UBE2R2: variants seen among roughly 807,000 people sequenced by gnomAD.
UBE2R2 encodes ubiquitin-conjugating enzyme E2 R2.
UBE2R2 carries 1 observed loss-of-function variant against 27.8 expected under a neutral mutation model. The observed-to-expected ratio is 0.04, with a 90% CI of 0.01 to 0.17. The LOEUF is 0.17. UBE2R2 is among the 10% of genes least tolerant of loss of function. The pLI is 1.00. For missense variants in UBE2R2, 100 were observed against 291.0 expected, an observed-to-expected ratio of 0.34 and a Z score of 4.78; for synonymous variants, 106 against 113.3, an observed-to-expected ratio of 0.94 and a Z score of 0.41.
At chr9:33,849,433 A>T (rs1297597335) in intron 1 of UBE2R2, among the ~76,000 whole-genome samples, 1 of 152,110 alleles carries the variant, frequency 6.6e-6, no homozygotes, top group Non-Finnish European at 1.5e-5. Context: ...ATATAAAGAG[A>T]TATGTAAGTA....
chr9:33,857,143 G>T (rs938108349), intron 1 of UBE2R2, among the ~76,000 whole-genome samples: 6 of 150,814 alleles, frequency 4.0e-5, no homozygotes, highest in Non-Finnish European at 8.9e-5. Context: ...TGATCCGCCC[G>T]TCTGAGCCTC....
intron 4 of UBE2R2, among the ~76,000 whole-genome samples, chr9:33,915,157 GCC>G (rs1298872686): frequency 6.6e-6 from 1 of 151,902 alleles, no homozygotes; most frequent in African/African-American, 2.4e-5. Flanking sequence ...CAAATAGTTG[GCC>G]AGGGGACCAA....
rs1050066655 is a variant in UBE2R2, at chr9:33,918,543, T to C, written c.*1306T>C. On this transcript the variant is annotated 3_prime_UTR_variant, in exon 5 of 5. Transcript: ENST00000263228. ...AATGCACTTGCTGCAGCTTTGATTT[T>C]CCAGATCTCAATCGTGTTGCTTCAA... The C allele has an allele frequency of 6.6e-6, 1 of 152,102 alleles. No homozygotes were observed. The highest frequency in any genetic ancestry group is 1.5e-5 in the Non-Finnish European group (1 of 68,026). The allele number at this position is 152,102 out of a possible 1,614,324, so 9.4% of individuals were successfully genotyped here.
chr9:33,844,467 G>A (rs1477768742), intron 1 of UBE2R2, among the ~76,000 whole-genome samples: 3 of 149,714 alleles, frequency 2.0e-5, no homozygotes, highest in East Asian at 3.9e-4. Flanking sequence ...GCCTCCCAAA[G>A]TGCTGGGATT....
At chr9:33,902,299 C>G (rs2130811555) in intron 3 of UBE2R2, among the ~76,000 whole-genome samples, 1 of 152,298 alleles carries the variant, frequency 6.6e-6, no homozygotes, top group Admixed American at 6.5e-5. Context: ...ATGCCCCTGC[C>G]TCAGCCTCCC....
intron 2 of UBE2R2, 33 bp downstream of exon 2, chr9:33,887,000 GA>G: frequency 6.5e-7 from 1 of 1,547,660 alleles, no homozygotes; most frequent in South Asian, 1.2e-5. Context: ...TTTCTCTGAA[GA>G]TTTTTTTTTT....
chr9:33,829,515 T>C (rs1377990721), intron 1 of UBE2R2, among the ~76,000 whole-genome samples: 5 of 152,182 alleles, frequency 3.3e-5, no homozygotes, highest in Non-Finnish European at 7.3e-5. Flanking sequence ...CAAAACTGCA[T>C]GGGTACCCGC....
intron 2 of UBE2R2, 150 bp downstream of exon 2, chr9:33,887,117 A>G: frequency 1.5e-6 from 1 of 653,320 alleles, no homozygotes; most frequent in South Asian, 1.9e-5. Flanking sequence ...CAGTTTCTGG[A>G]TTAATTATTT....
intron 4 of UBE2R2, among the ~76,000 whole-genome samples, chr9:33,913,457 T>C (rs1822541790): frequency 6.6e-6 from 1 of 152,122 alleles, no homozygotes; most frequent in Admixed American, 6.6e-5. Context: ...AGATGAGGTC[T>C]TGCTGTGTTG....
chr9:33,859,962 A>G (rs1587450831), intron 1 of UBE2R2, among the ~76,000 whole-genome samples: 2 of 152,028 alleles, frequency 1.3e-5, no homozygotes, highest in Non-Finnish European at 2.9e-5. Context: ...ATGAACCACC[A>G]TGTCCAGCTA....
chr9:33,911,144 C>T (rs1822474316), intron 3 of UBE2R2, among the ~76,000 whole-genome samples: 1 of 151,770 alleles, frequency 6.6e-6, no homozygotes, highest in African/African-American at 2.4e-5. Context: ...CGTAGTGGCT[C>T]ATGCTTTTAA....
At chr9:33,863,385 G>A (rs996998572) in intron 1 of UBE2R2, among the ~76,000 whole-genome samples, 6 of 147,148 alleles carry the variant, frequency 4.1e-5, no homozygotes, top group East Asian at 2.1e-4. Context: ...GGTGGTGCGT[G>A]CCTGTAATCC....
At chr9:33,895,992 C>T (rs1227255794) in intron 2 of UBE2R2, among the ~76,000 whole-genome samples, 3 of 151,640 alleles carry the variant, frequency 2.0e-5, no homozygotes, top group African/African-American at 4.9e-5. Context: ...AGGATGGTCT[C>T]GAACTCCTGG....
intron 1 of UBE2R2, among the ~76,000 whole-genome samples, chr9:33,838,604 G>C (rs1820666102): frequency 6.6e-6 from 1 of 152,062 alleles, no homozygotes; most frequent in Non-Finnish European, 1.5e-5. Context: ...AACTTCGGGA[G>C]GCTGAGACAG....
At chr9:33,820,878 A>G (rs1825970748) in intron 1 of UBE2R2, among the ~76,000 whole-genome samples, 2 of 152,178 alleles carry the variant, frequency 1.3e-5, no homozygotes, top group Non-Finnish European at 2.9e-5. Flanking sequence ...GATTTGTGAG[A>G]CCTGTATTTC....
intron 4 of UBE2R2, 120 bp downstream of exon 4, chr9:33,912,218 T>G: frequency 1.1e-6 from 1 of 911,698 alleles, no homozygotes; most frequent in Non-Finnish European, 1.6e-6. Flanking sequence ...CTATTAGATT[T>G]ATAGTGTGGG....
intron 3 of UBE2R2, among the ~76,000 whole-genome samples, chr9:33,908,295 T>A (rs945127367): frequency 1.3e-5 from 2 of 152,242 alleles, no homozygotes; most frequent in African/African-American, 2.4e-5. Flanking sequence ...ACCAGGCTTC[T>A]GATTGGCCCA....
chr9:33,833,712 A>C (rs1403343615), intron 1 of UBE2R2, among the ~76,000 whole-genome samples: 1 of 152,164 alleles, frequency 6.6e-6, no homozygotes, highest in African/African-American at 2.4e-5. Context: ...ATTCACTGTG[A>C]AGTGTAACCA....
In UBE2R2 at chr9:33,918,764, G is replaced by GTCAAC. The variant is rs1400591015; in HGVS notation, c.*1530_*1534dup. On this transcript the variant is annotated 3_prime_UTR_variant, in exon 5 of 5. Transcript: ENST00000263228. ...CTATTTCAGACCCCTGGGCACTAGT[G>GTCAAC]TCAACTCCTCCTTTGGCTCGTAACT... The GTCAAC allele has an allele frequency of 1.3e-5, 2 of 152,604 alleles. No homozygotes were observed. Among genetic ancestry groups the GTCAAC allele is most frequent in the African/African-American group, 4.8e-5 (2 of 41,436 alleles). 9.5% of individuals were successfully genotyped at this position (152,604 alleles called of 1,614,324 possible). A position where few individuals can be genotyped will look rare whatever the true frequency, so the allele number is the denominator to read the frequency against.
Sources: allele counts gnomAD v4.1 joint callset (sites outside exome capture counted in the v4.1 genomes callset), GRCh38; gene constraint gnomAD v4.1.1; transcripts MANE v1.5; gene names NCBI Gene and HGNC (gene_info 2026-07-23, HGNC 2026-07-21).